Variants in TENM3 observed in about 807,000 individuals in gnomAD.
TENM3 encodes the protein teneurin transmembrane protein 3.
TENM3 carries 63 observed loss-of-function variants against 255.1 expected under a neutral mutation model. The observed-to-expected ratio is 0.25, with a 90% CI of 0.20 to 0.30. The LOEUF (loss-of-function observed/expected upper bound fraction) is 0.30. Ranked by LOEUF, TENM3 falls within the 10% of genes least tolerant of loss-of-function variation. TENM3 has a pLI of 1.00. For missense variants in TENM3, 2,929 were observed against 3,461.1 expected (o/e 0.85, Z 3.86); for synonymous variants, 1,306 against 1,322.3 (o/e 0.99, Z 0.27).
the TENM3 span, among the ~76,000 whole-genome samples, chr4:181,964,582 A>G: frequency 6.8e-6 from 1 of 148,082 alleles, no homozygotes; most frequent in Non-Finnish European, 1.5e-5. Context: ...AAGTTCCTTA[A>G]TGTTGCTAGA....
chr4:182,064,486 G>A, the TENM3 span, among the ~76,000 whole-genome samples: 3 of 152,138 alleles, frequency 2.0e-5, no homozygotes. Flanking sequence ...GGGAGGCTGA[G>A]GCAGGAGAAT....
At chr4:182,790,349 C>T (rs72997196) in intron 25 of TENM3, among the ~76,000 whole-genome samples, 2,434 of 152,260 alleles carry the variant, frequency 0.016, 68 homozygotes, top group African/African-American at 0.055. Flanking sequence ...AAAGAAATCA[C>T]ATCACATCCA....
In TENM3 at chr4:182,507,224, T is replaced by C. The variant is rs79532340; in HGVS notation, c.512-93700T>C. The stretch of plus-strand genomic sequence containing the variant: ...CAAAATGTAAAGACCTTAGAATGAA[T>C]GCTAACATTTTTCTTTTGCCCTTTT... On this transcript the variant is annotated intron_variant, in intron 3 of 27. Coordinates refer to ENST00000511685, the MANE Select transcript of TENM3 (RefSeq NM_001080477.4). 4.1e-3 allele frequency among the ~76,000 whole-genome samples: 631 copies of C among 152,332 alleles called. 11 individuals are homozygous for C. The East Asian group carries it at 0.046, about 11-fold the overall frequency.
intron 3 of TENM3, among the ~76,000 whole-genome samples, chr4:182,465,088 CTT>C (rs952081406): frequency 3.9e-5 from 6 of 152,068 alleles, no homozygotes; most frequent in Non-Finnish European, 8.8e-5. Flanking sequence ...ATTAATAACT[CTT>C]AGGAGAGTTG....
At chr4:181,826,843 G>A in the TENM3 span, among the ~76,000 whole-genome samples, 14 of 152,282 alleles carry the variant, frequency 9.2e-5, 1 homozygote, top group South Asian at 2.9e-3. Flanking sequence ...AGGGTTAAGA[G>A]CCACTGCTCT....
chr4:181,976,956 G>A, the TENM3 span, among the ~76,000 whole-genome samples: 1 of 152,216 alleles, frequency 6.6e-6, no homozygotes, highest in Non-Finnish European at 1.5e-5. Context: ...GTAGAGAACA[G>A]GCCCTGTGCT....
At chr4:182,674,809 C>G (rs1755527954) in intron 7 of TENM3, among the ~76,000 whole-genome samples, 1 of 152,102 alleles carries the variant, frequency 6.6e-6, no homozygotes, top group Non-Finnish European at 1.5e-5. Context: ...CTCCTGGGCT[C>G]AAGCAATCCG....
chr4:181,458,142 C>A, the TENM3 span, among the ~76,000 whole-genome samples: 66 of 151,944 alleles, frequency 4.3e-4, no homozygotes, highest in African/African-American at 1.6e-3. Context: ...AAATCTGTAT[C>A]CTCATATATA....
At chr4:182,313,748 T>C (rs1443083183) in intron 1 of TENM3, among the ~76,000 whole-genome samples, 11 of 151,610 alleles carry the variant, frequency 7.3e-5, no homozygotes. Context: ...CTCAGGAGAG[T>C]TTCCTCTTCA....
intron 3 of TENM3, among the ~76,000 whole-genome samples, chr4:182,594,267 A>C (rs1198206359): frequency 6.6e-6 from 1 of 152,038 alleles, no homozygotes; most frequent in Non-Finnish European, 1.5e-5. Flanking sequence ...AACCTCCCCA[A>C]GTGATAGGAT....
the TENM3 span, among the ~76,000 whole-genome samples, chr4:181,604,692 A>G: frequency 6.6e-6 from 1 of 152,196 alleles, no homozygotes; most frequent in Admixed American, 6.5e-5. Flanking sequence ...TCTAAACAGA[A>G]AGGTAAGAAT....
chr4:182,510,984 T>A (rs553628653), intron 3 of TENM3, among the ~76,000 whole-genome samples: 110 of 152,318 alleles, frequency 7.2e-4, no homozygotes, highest in Middle Eastern at 3.4e-3. Context: ...GCAGGCTTGT[T>A]ACTACTTACT....
At chr4:182,454,678 A>C (rs1773730149) in intron 3 of TENM3, among the ~76,000 whole-genome samples, 1 of 152,248 alleles carries the variant, frequency 6.6e-6, no homozygotes, top group African/African-American at 2.4e-5. Flanking sequence ...AAATTAAAAC[A>C]AAGTCATAAG....
At chr4:181,594,292 CA>C in the TENM3 span, among the ~76,000 whole-genome samples, 4 of 151,676 alleles carry the variant, frequency 2.6e-5, no homozygotes, top group African/African-American at 7.2e-5. Context: ...TTTTATTTTT[CA>C]AAAAAACCAT....
intron 3 of TENM3, among the ~76,000 whole-genome samples, chr4:182,567,136 A>G (rs1743871215): frequency 6.6e-6 from 1 of 152,226 alleles, no homozygotes; most frequent in Non-Finnish European, 1.5e-5. Context: ...CGTAGAGCGC[A>G]AAAGGGAGTT....
At chr4:182,317,509 G>T (rs552043615) in intron 1 of TENM3, among the ~76,000 whole-genome samples, 1 of 152,042 alleles carries the variant, frequency 6.6e-6, no homozygotes, top group South Asian at 2.1e-4. Flanking sequence ...TAGAGAGAGG[G>T]TTTCATCAAG....
the TENM3 span, among the ~76,000 whole-genome samples, chr4:181,800,398 G>A: frequency 3.3e-4 from 50 of 152,308 alleles, no homozygotes; most frequent in African/African-American, 1.0e-3. Context: ...TTGGGAGGCC[G>A]AGGCAGGCGG....
rs138295815 is a variant in TENM3, at chr4:182,731,581, A to C, written c.2967+442A>C. Reference sequence around the variant, plus strand: ...TCCAGTGCTATCTTTAAATAATTCTATAAGACCCTGTCTCAAAAAAAGACA... The same window carrying C: ...TCCAGTGCTATCTTTAAATAATTCTCTAAGACCCTGTCTCAAAAAAAGACA... On this transcript the variant is annotated intron_variant, in intron 16 of 27. Coordinates refer to ENST00000511685, the MANE Select transcript of TENM3 (RefSeq NM_001080477.4). Among the ~76,000 whole-genome samples, 762 of 152,082 alleles carry C rather than the reference A, an allele frequency of 5.0e-3. 8 individuals carry two copies. Among genetic ancestry groups the C allele is most frequent in the African/African-American group, 0.017 (715 of 41,504 alleles).
the TENM3 span, among the ~76,000 whole-genome samples, chr4:181,965,030 A>G: frequency 6.6e-6 from 1 of 152,324 alleles, no homozygotes; most frequent in East Asian, 1.9e-4. Flanking sequence ...AAAACTTGAA[A>G]GTAAATTTCT....
Sources: gnomAD v4.1 joint callset for allele counts (sites outside exome capture counted in the v4.1 genomes callset) on GRCh38, gnomAD v4.1.1 for gene constraint, MANE v1.5 for transcripts, NCBI Gene and HGNC (gene_info 2026-07-23, HGNC 2026-07-21) for gene names.